Variants in DNAI1 observed in about 807,000 individuals in gnomAD.
The protein encoded by DNAI1 is dynein axonemal intermediate chain 1, also known as dynein, axonemal, intermediate polypeptide 1.
A neutral mutation model predicts 92.0 loss-of-function variants in DNAI1; 67 were observed. The ratio of observed to expected loss-of-function variants is 0.73; its 90% CI spans 0.60 to 0.89. The LOEUF (loss-of-function observed/expected upper bound fraction) is 0.89. DNAI1 is among the 40% of genes least tolerant of loss of function. The probability of loss-of-function intolerance (pLI) is 0.00; values close to 1 mark genes in which losing one functional copy is unlikely to be tolerated. For synonymous variants in DNAI1, 323 were observed against 319.6 expected, an observed-to-expected ratio of 1.01 and a Z score of -0.11; for missense variants, 839 against 866.6, an observed-to-expected ratio of 0.97 and a Z score of 0.40.
In DNAI1 at chr9:34,513,198, C is replaced by T; in HGVS notation, c.1569+7C>T. The T allele has an allele frequency of 1.2e-6, 2 of 1,612,554 alleles. No homozygotes were observed. Among genetic ancestry groups the T allele is most frequent in the Non-Finnish European group, 1.7e-6 (2 of 1,178,514 alleles). On this transcript the variant is annotated splice_region_variant and intron_variant, in intron 16 of 19. Coordinates refer to ENST00000242317, the MANE Select transcript of DNAI1 (RefSeq NM_012144.4). ...GGAGGGAAAAATCTACAAGGTGAGGCTGCCCTGTGCCAGCTCCTTAGAAGG... is the reference window on the plus strand; with the variant it reads ...GGAGGGAAAAATCTACAAGGTGAGGTTGCCCTGTGCCAGCTCCTTAGAAGG...
intron 1 of DNAI1, among the ~76,000 whole-genome samples, chr9:34,470,258 A>G (rs1038599143): frequency 2.0e-5 from 3 of 152,232 alleles, no homozygotes; most frequent in African/African-American, 7.2e-5. Context: ...AAAGCAGATG[A>G]GAAAAACTAG....
Position 34,458,944 on chromosome 9 carries a change from G to A in DNAI1, c.-62G>A. ...TCCAGATTTCTTGTGTGTGGTCAAGGAGACGGACAAACTTTTTGTCTTCAG... is the reference window on the plus strand; with the variant it reads ...TCCAGATTTCTTGTGTGTGGTCAAGAAGACGGACAAACTTTTTGTCTTCAG... On this transcript the variant is annotated 5_prime_UTR_variant, in exon 1 of 20. Coordinates refer to ENST00000242317, the MANE Select transcript of DNAI1 (RefSeq NM_012144.4). The surrounding 1 kb of genome is among the most constrained non-coding windows in gnomAD (Gnocchi z 6.6). The A allele has an allele frequency of 2.7e-6, 4 of 1,489,178 alleles. No individual in the cohort carries two copies. The South Asian group carries it at 3.4e-5, about 13-fold the overall frequency. The allele number at this position is 1,489,178 out of a possible 1,614,324, so 92.2% of individuals were successfully genotyped here.
At chr9:34,468,536 G>C (rs985078480) in intron 1 of DNAI1, among the ~76,000 whole-genome samples, 2 of 151,710 alleles carry the variant, frequency 1.3e-5, no homozygotes, top group African/African-American at 2.4e-5. Flanking sequence ...CTTGTAAAAA[G>C]AGAGCCTGGC....
Position 34,485,417 on chromosome 9 carries a change from T to C in DNAI1, c.181-20T>C. On this transcript the variant is annotated intron_variant, in intron 3 of 19. Coordinates refer to ENST00000242317, the MANE Select transcript of DNAI1 (RefSeq NM_012144.4). ...TGGGGGGTCTTCATGTATGACCCTC[T>C]TGGTATTTTTCTCCCTCAGGAGTTA... 1.2e-6 allele frequency: 2 copies of C among 1,613,800 alleles called. No individual in the cohort carries two copies. The highest frequency in any genetic ancestry group is 1.7e-6 in the Non-Finnish European group (2 of 1,179,732).
chr9:34,484,476 T>G (rs1046578907), intron 2 of DNAI1, among the ~76,000 whole-genome samples: 1 of 152,250 alleles, frequency 6.6e-6, no homozygotes, highest in East Asian at 1.9e-4. Context: ...GGTTGTTTTA[T>G]AGTTTGCCAA....
intron 9 of DNAI1, among the ~76,000 whole-genome samples, chr9:34,495,082 T>A (rs1360443238): frequency 1.3e-5 from 2 of 152,324 alleles, no homozygotes; most frequent in East Asian, 3.9e-4. Context: ...TTGGTGGACC[T>A]CAGGTCTCTG....
chr9:34,476,436 G>A (rs188224113), intron 1 of DNAI1, among the ~76,000 whole-genome samples: 22 of 152,312 alleles, frequency 1.4e-4, no homozygotes, highest in Non-Finnish European at 2.5e-4. Context: ...AGGACAGACC[G>A]AGTGGGGCTG....
chr9:34,478,191 G>A (rs1824275737), intron 1 of DNAI1, among the ~76,000 whole-genome samples: 1 of 152,054 alleles, frequency 6.6e-6, no homozygotes, highest in African/African-American at 2.4e-5. Flanking sequence ...CTGGCCACGA[G>A]AACTTGTCTC....
chr9:34,459,610 T>G (rs1216803650), intron 1 of DNAI1, among the ~76,000 whole-genome samples: 1 of 152,178 alleles, frequency 6.6e-6, no homozygotes, highest in Admixed American at 6.5e-5. Context: ...CACGCCCGGC[T>G]AAATTTTGTG....
rs369759767 is a variant in DNAI1 at position 34,490,139 on chromosome 9, C to A, written c.501+15C>A. The A allele has an allele frequency of 6.2e-7, 1 of 1,613,616 alleles. No individual in the cohort carries two copies. The highest frequency in any genetic ancestry group is 1.7e-5 in the Admixed American group (1 of 59,916). On this transcript the variant is annotated intron_variant, in intron 6 of 19. Transcript: ENST00000242317. ...CTGCAGCTGGGGTACAGTATAATAT[C>A]GCTCTGTGTCCCTCTTCTTCCAGCT...
At chr9:34,483,504 C>G (rs764588234) in intron 2 of DNAI1, 24 bp downstream of exon 2, 1 of 1,606,198 alleles carries the variant, frequency 6.2e-7, no homozygotes. Flanking sequence ...CTACCATGGT[C>G]TCTCAGCAAG....
intron 1 of DNAI1, among the ~76,000 whole-genome samples, chr9:34,459,857 A>T (rs1223783156): frequency 6.6e-6 from 1 of 152,220 alleles, no homozygotes; most frequent in Non-Finnish European, 1.5e-5. Context: ...AACTAAACAG[A>T]ATACAGGACA....
intron 1 of DNAI1, among the ~76,000 whole-genome samples, chr9:34,479,226 C>A (rs1824294136): frequency 6.6e-6 from 1 of 152,104 alleles, no homozygotes; most frequent in Admixed American, 6.6e-5. Context: ...AGGCTTGGGG[C>A]CAGATGATAG....
At chr9:34,476,079 C>T (rs1157094258) in intron 1 of DNAI1, among the ~76,000 whole-genome samples, 4 of 152,104 alleles carry the variant, frequency 2.6e-5, no homozygotes, top group Admixed American at 1.3e-4. Context: ...TTCTCAGTGT[C>T]CTTGTCTTTA....
intron 1 of DNAI1, among the ~76,000 whole-genome samples, chr9:34,468,347 A>ATTT (rs376170581): frequency 7.0e-6 from 1 of 141,954 alleles, no homozygotes; most frequent in Non-Finnish European, 1.5e-5. Flanking sequence ...CGCCTGGCTA[A>ATTT]TTTTTTTTTT....
Position 34,485,043 on chromosome 9 carries a change from G to A in DNAI1, c.82-99G>A, listed in dbSNP as rs1824443709. ...TTTTGTATTCTACATACAAGGGGCAGAGCTTGGCTTCTGGGAGTGTTTGTG... is the reference window on the plus strand; with the variant it reads ...TTTTGTATTCTACATACAAGGGGCAAAGCTTGGCTTCTGGGAGTGTTTGTG... On this transcript the variant is annotated intron_variant, in intron 2 of 19. Transcript: ENST00000242317. The A allele has an allele frequency of 2.6e-6, 3 of 1,154,504 alleles. No individual in the cohort carries two copies. In the African/African-American group the frequency reaches 4.6e-5, roughly 18 times the overall value. 71.5% of individuals were successfully genotyped at this position (1,154,504 alleles called of 1,614,324 possible). A position where few individuals can be genotyped will look rare whatever the true frequency, so the allele number is the denominator to read the frequency against.
At chr9:34,492,495 T>TAGATAGATAG (rs1182075090) in intron 8 of DNAI1, among the ~76,000 whole-genome samples, 6 of 19,048 alleles carry the variant, frequency 3.1e-4, no homozygotes, top group African/African-American at 7.6e-4. Context: ...GATATGAAGA[T>TAGATAGATAG]ATATATATAT....
chr9:34,517,601 T>C, intron 19 of DNAI1, 134 bp downstream of exon 19: 11 of 1,013,176 alleles, frequency 1.1e-5, no homozygotes, highest in Non-Finnish European at 1.5e-5. Flanking sequence ...TGTCATTGCC[T>C]GAATGAGGCT....
rs1824814663 is a variant in DNAI1 at position 34,500,769 on chromosome 9, G to T, written c.949G>T (p.Gly317Cys). Residue 317 changes from glycine (G) to cysteine (C), a missense_variant, in exon 11 of 20, where the codon GGT becomes TGT. Transcript: ENST00000242317. ...DAADEYRDQV[G>C]TLLPLWKFQN... ...TGCTGATGAATACCGGGACCAGGTG[G>T]GTACCCTGCTGCCGCTCTGGAAGTT... The T allele has an allele frequency of 5.0e-6, 8 of 1,614,054 alleles. No individual in the cohort carries two copies. Among genetic ancestry groups the T allele is most frequent in the Non-Finnish European group, 6.8e-6 (8 of 1,180,012 alleles).
Sources: gnomAD v4.1 joint callset for allele counts (sites outside exome capture counted in the v4.1 genomes callset) on GRCh38, gnomAD v4.1.1 for gene constraint, Gnocchi (gnomAD v3.1) non-coding constraint, MANE v1.5 for transcripts, NCBI Gene and HGNC (gene_info 2026-07-23, HGNC 2026-07-21) for gene names.